Variants in LSAMP observed in about 807,000 individuals in gnomAD.
The protein encoded by LSAMP is limbic system associated membrane protein.
A neutral mutation model predicts 38.6 loss-of-function variants in LSAMP; 7 were observed. That is an observed-to-expected ratio of 0.18 (90% CI 0.10 to 0.34). The LOEUF is 0.34. LSAMP is among the 10% of genes least tolerant of loss of function. The probability of loss-of-function intolerance (pLI) is 1.00; values close to 1 mark genes in which losing one functional copy is unlikely to be tolerated. For missense variants in LSAMP, 313 were observed against 420.0 expected, an observed-to-expected ratio of 0.75 and a Z score of 2.23; for synonymous variants, 154 against 166.8, an observed-to-expected ratio of 0.92 and a Z score of 0.59.
chr3:115,872,553 A>T (rs1176514593), intron 3 of LSAMP, among the ~76,000 whole-genome samples: 9 of 152,146 alleles, frequency 5.9e-5, no homozygotes. Context: ...GGCCGATAGG[A>T]GATGGGAAAG....
intron 3 of LSAMP, among the ~76,000 whole-genome samples, chr3:115,889,185 C>A (rs960800729): frequency 6.6e-6 from 1 of 151,886 alleles, no homozygotes; most frequent in Non-Finnish European, 1.5e-5. Context: ...GGGCAAGGTT[C>A]CTTGTGTTTA....
intron 1 of LSAMP, among the ~76,000 whole-genome samples, chr3:116,201,569 T>C (rs954132813): frequency 1.3e-5 from 2 of 152,156 alleles, no homozygotes; most frequent in African/African-American, 4.8e-5. Context: ...TACAGGTTAA[T>C]GGACCCCTTA....
At chr3:116,082,829 T>C (rs1707901155) in intron 2 of LSAMP, among the ~76,000 whole-genome samples, 1 of 151,998 alleles carries the variant, frequency 6.6e-6, no homozygotes, top group Non-Finnish European at 1.5e-5. Context: ...AAGTGGGAGA[T>C]AAATGATAAG....
intron 1 of LSAMP, among the ~76,000 whole-genome samples, chr3:116,281,679 C>T (rs1254751727): frequency 1.3e-5 from 2 of 152,196 alleles, no homozygotes; most frequent in Non-Finnish European, 2.9e-5. Context: ...AAGAGCCCAT[C>T]TCTTCATGTT....
At chr3:116,444,821 C>T (rs527730758) in intron 1 of LSAMP, 56 bp downstream of exon 1, 5 of 1,473,308 alleles carry the variant, frequency 3.4e-6, no homozygotes, top group Admixed American at 1.8e-5. Flanking sequence ...AACACACACA[C>T]ACACACACAC....
intron 1 of LSAMP, among the ~76,000 whole-genome samples, chr3:116,433,751 C>T (rs1351000322): frequency 6.6e-6 from 1 of 152,150 alleles, no homozygotes; most frequent in East Asian, 1.9e-4. Flanking sequence ...TGAAAATTCA[C>T]AGTCACCCCT....
At chr3:116,275,077 GGCTCTT>G (rs1197564534) in intron 1 of LSAMP, among the ~76,000 whole-genome samples, 5 of 151,376 alleles carry the variant, frequency 3.3e-5, no homozygotes, top group African/African-American at 1.2e-4. Context: ...TAAATAAACA[GGCTCTT>G]GCTCTGTCAC....
chr3:116,398,669 T>A (rs1486206474), intron 1 of LSAMP, among the ~76,000 whole-genome samples: 1 of 152,176 alleles, frequency 6.6e-6, no homozygotes, highest in African/African-American at 2.4e-5. Context: ...TTCTAATTGG[T>A]AGAAGCATAA....
chr3:116,109,420 C>T (rs894596500), intron 1 of LSAMP, among the ~76,000 whole-genome samples: 50 of 152,080 alleles, frequency 3.3e-4, no homozygotes, highest in Admixed American at 1.2e-3. Context: ...GACTCAGCAA[C>T]GCTTGGGGTT....
chr3:116,163,647 G>A (rs1041935293), intron 1 of LSAMP, among the ~76,000 whole-genome samples: 3 of 151,836 alleles, frequency 2.0e-5, no homozygotes, highest in Admixed American at 6.6e-5. Context: ...CTGAGGAATC[G>A]CCACACTGAA....
At chr3:116,076,149 G>T (rs1049886833) in intron 2 of LSAMP, among the ~76,000 whole-genome samples, 2 of 152,144 alleles carry the variant, frequency 1.3e-5, no homozygotes, top group African/African-American at 4.8e-5. Context: ...ACCATATGTG[G>T]TAGACTTTTG....
At chr3:116,166,787 GTTTTTT>G (rs35340943) in intron 1 of LSAMP, among the ~76,000 whole-genome samples, 1 of 118,810 alleles carries the variant, frequency 8.4e-6, no homozygotes, top group Non-Finnish European at 1.8e-5. Context: ...TTTTTTTTTT[GTTTTTT>G]TTTTTTTTTT....
intron 3 of LSAMP, among the ~76,000 whole-genome samples, chr3:116,017,407 G>A (rs1454886890): frequency 3.3e-5 from 5 of 151,794 alleles, no homozygotes; most frequent in African/African-American, 4.8e-5. Flanking sequence ...CTTGTTCCAC[G>A]TAAGAGTAAG....
intron 6 of LSAMP, among the ~76,000 whole-genome samples, chr3:115,840,879 T>C (rs1395678866): frequency 3.3e-5 from 5 of 152,226 alleles, no homozygotes; most frequent in Non-Finnish European, 7.3e-5. Context: ...ATAACAGTAC[T>C]TTTTTTAGAC....
At chr3:116,312,539 T>C (rs553814708) in intron 1 of LSAMP, among the ~76,000 whole-genome samples, 1 of 152,324 alleles carries the variant, frequency 6.6e-6, no homozygotes, top group East Asian at 1.9e-4. Flanking sequence ...AATAATCCAT[T>C]TAATTTTTTC....
intron 1 of LSAMP, among the ~76,000 whole-genome samples, chr3:116,147,818 A>T (rs903038215): frequency 6.6e-6 from 1 of 152,006 alleles, no homozygotes; most frequent in South Asian, 2.1e-4. Context: ...CATGATTTCT[A>T]TGTTTTGAGC....
chr3:115,859,149 C>A (rs568333248), intron 3 of LSAMP, among the ~76,000 whole-genome samples: 3 of 152,170 alleles, frequency 2.0e-5, no homozygotes, highest in African/African-American at 7.2e-5. Flanking sequence ...ACCTGAGAGA[C>A]CCCTTAGTGT....
intron 3 of LSAMP, among the ~76,000 whole-genome samples, chr3:115,935,756 T>C (rs1937680195): frequency 6.6e-6 from 1 of 152,146 alleles, no homozygotes; most frequent in South Asian, 2.1e-4. Flanking sequence ...ATTTTTCACA[T>C]CATGACAATT....
intron 3 of LSAMP, among the ~76,000 whole-genome samples, chr3:115,927,567 T>C (rs1937517889): frequency 6.6e-6 from 1 of 152,336 alleles, no homozygotes; most frequent in Admixed American, 6.5e-5. Context: ...TTATTTTTGA[T>C]GGAAAGGTTC....
Sources: gnomAD v4.1 joint callset for allele counts (sites outside exome capture counted in the v4.1 genomes callset) on GRCh38, gnomAD v4.1.1 for gene constraint, MANE v1.5 for transcripts, NCBI Gene and HGNC (gene_info 2026-07-23, HGNC 2026-07-21) for gene names.